TRANK1: variants seen among roughly 807,000 people sequenced by gnomAD.
TRANK1 encodes TPR and ankyrin repeat-containing protein 1.
In TRANK1, 198 loss-of-function variants were observed where a neutral mutation model predicts 266.0. The observed-to-expected ratio is 0.74, with a 90% confidence interval of 0.66 to 0.84. The LOEUF is 0.84. Among genes scored for constraint, TRANK1 ranks in the 40% least tolerant of loss-of-function variants. The pLI is 0.00. For synonymous variants in TRANK1, 1,396 were observed against 1,384.1 expected, an observed-to-expected ratio of 1.01 and a Z score of -0.19; for missense variants, 3,326 against 3,634.6, an observed-to-expected ratio of 0.92 and a Z score of 2.18.
intron 20 of TRANK1, among the ~76,000 whole-genome samples, chr3:36,835,244 G>A (rs1026963323): frequency 1.0e-3 from 150 of 144,504 alleles, no homozygotes; most frequent in African/African-American, 3.7e-3. Flanking sequence ...GCGTGAACCC[G>A]GGAGGCGGAG....
chr3:36,889,709 G>T, intron 8 of TRANK1, 120 bp downstream of exon 8: 1 of 1,341,358 alleles, frequency 7.5e-7, no homozygotes, highest in Non-Finnish European at 9.7e-7. Context: ...TCAAGGGGAA[G>T]TTTAGCCCTC....
intron 2 of TRANK1, among the ~76,000 whole-genome samples, chr3:36,907,835 C>T (rs1436902170): frequency 6.6e-6 from 1 of 152,100 alleles, no homozygotes; most frequent in East Asian, 1.9e-4. Flanking sequence ...TTGACAGCTA[C>T]AGCCTACATA....
At position 36,855,928 on chromosome 3, in the gene TRANK1, T is replaced by C. The variant is rs2079045859; in HGVS notation, c.3794A>G (p.Asn1265Ser). 2 of 1,613,480 alleles carry C rather than the reference T, an allele frequency of 1.2e-6. No individual in the cohort carries two copies. The highest frequency in any genetic ancestry group is 1.7e-5 in the Admixed American group (1 of 59,944). The change falls in exon 13 of 24, where the codon AAC (asparagine) becomes AGC (serine). Residue 1265 changes from asparagine (N) to serine (S), a missense_variant. Transcript: ENST00000645898. The part of the protein sequence containing the change: ...ASLPKPFFLR[N>S]EDGSLKRTII... ...GGTTCTTTTCAAGCTTCCATCTTCG[T>C]TTCTCAGAAAAAATGGTTTGGGCAG...
chr3:36,872,196 T>C (rs1417877566), intron 9 of TRANK1, among the ~76,000 whole-genome samples: 1 of 151,996 alleles, frequency 6.6e-6, no homozygotes, highest in Non-Finnish European at 1.5e-5. Context: ...AAGTCAGGAG[T>C]TCGAGATCAG....
At chr3:36,913,470 C>CCTCTCCTCTCCTCTCTTTCTTT (rs2080082435) in intron 1 of TRANK1, among the ~76,000 whole-genome samples, 1 of 151,462 alleles carries the variant, frequency 6.6e-6, no homozygotes, top group Non-Finnish European at 1.5e-5. Context: ...CCTCTCCTCT[C>CCTCTCCTCTCCTCTCTTTCTTT]CTCTCCTCTC....
chr3:36,935,722 C>T (rs1329363061), intron 1 of TRANK1, among the ~76,000 whole-genome samples: 1 of 152,162 alleles, frequency 6.6e-6, no homozygotes, highest in East Asian at 1.9e-4. Context: ...GCTGGGATTA[C>T]AGGCGTGAGT....
At position 36,831,206 on chromosome 3, in the gene TRANK1, C is replaced by T. The variant is rs774196815; in HGVS notation, c.8377G>A (p.Ala2793Thr). 16 of 1,613,930 alleles carry T rather than the reference C, an allele frequency of 9.9e-6. No individual in the cohort carries two copies. Among genetic ancestry groups the T allele is most frequent in the South Asian group, 2.2e-5 (2 of 91,072 alleles). The change falls in exon 22 of 24, where the codon GCA becomes ACA. Residue 2793 changes from alanine (A) to threonine (T), a missense_variant. Transcript: ENST00000645898. The surrounding 1 kb of genome is among the most constrained non-coding windows in gnomAD (Gnocchi z 5.0). ...YFSPSKAFEG[A>T]ASEVAVLSRA... is the part of the protein sequence containing the mutation. ...GAAAGGACTGCCACCTCGGAAGCTG[C>T]CCCCTCAAACGCTTTGCTGGGGCTG...
intron 8 of TRANK1, among the ~76,000 whole-genome samples, chr3:36,881,122 G>T (rs1157990981): frequency 6.6e-6 from 1 of 151,672 alleles, no homozygotes; most frequent in Non-Finnish European, 1.5e-5. Flanking sequence ...TTTCCATTGA[G>T]ATACAGCTCA....
chr3:36,838,360 T>C lies in TRANK1; in HGVS notation c.5517+12A>G. ...AGTTTTCCCTGGAGCAGCAGCGGAC[T>C]AGGAGCCATACCTTTCCCAGCCTCT... On this transcript the variant is annotated intron_variant, in intron 20 of 23. Coordinates refer to ENST00000645898, the MANE Select transcript of TRANK1 (RefSeq NM_001329998.2). The C allele has an allele frequency of 6.2e-7, 1 of 1,613,628 alleles. No homozygotes were observed. The highest frequency in any genetic ancestry group is 8.5e-7 in the Non-Finnish European group (1 of 1,179,724).
Position 36,858,732 on chromosome 3 carries a change from A to G in TRANK1, c.1658T>C (p.Phe553Ser). ...DTPLHAALHI[F>S]LEIKADIGFS... ...CAAGGGCTTACCTTTAATCTCTAGA[A>G]AGATGTGGAGTGCTGCATGCAAAGG... The change falls in exon 12 of 24, where the codon TTT (phenylalanine) becomes TCT (serine). Residue 553 changes from phenylalanine (F) to serine (S), a missense_variant. By Grantham distance (155) the Phe-to-Ser change is radical (BLOSUM62 -2). Coordinates refer to ENST00000645898, the MANE Select transcript of TRANK1 (RefSeq NM_001329998.2). The G allele has an allele frequency of 1.3e-6, 2 of 1,529,276 alleles. No individual in the cohort carries two copies. Among genetic ancestry groups the G allele is most frequent in the Non-Finnish European group, 1.7e-6 (2 of 1,143,030 alleles). The allele number at this position is 1,529,276 out of a possible 1,614,324, so 94.7% of individuals were successfully genotyped here.
intron 8 of TRANK1, among the ~76,000 whole-genome samples, chr3:36,876,199 T>C (rs1264888885): frequency 6.6e-6 from 1 of 152,218 alleles, no homozygotes; most frequent in Non-Finnish European, 1.5e-5. Context: ...CCTTACCAGA[T>C]TTGATGGTGT....
chr3:36,919,771 C>T (rs1303943937), intron 1 of TRANK1, among the ~76,000 whole-genome samples: 8 of 152,176 alleles, frequency 5.3e-5, no homozygotes, highest in East Asian at 1.9e-4. Flanking sequence ...GTCAATTCTG[C>T]GCACTATCAG....
intron 15 of TRANK1, among the ~76,000 whole-genome samples, chr3:36,849,349 G>T (rs1575198674): frequency 1.3e-5 from 2 of 152,290 alleles, no homozygotes; most frequent in East Asian, 3.9e-4. Flanking sequence ...CCCCCAAAAA[G>T]AAGGCAACAT....
At chr3:36,842,945 G>A (rs1405440340) in intron 17 of TRANK1, among the ~76,000 whole-genome samples, 1 of 152,152 alleles carries the variant, frequency 6.6e-6, no homozygotes, top group Non-Finnish European at 1.5e-5. Flanking sequence ...GGTGTCCTTA[G>A]AAGAAATTAG....
At chr3:36,922,960 AGTCT>A (rs1478439456) in intron 1 of TRANK1, among the ~76,000 whole-genome samples, 1 of 152,128 alleles carries the variant, frequency 6.6e-6, no homozygotes, top group African/African-American at 2.4e-5. Context: ...ATAAACTATA[AGTCT>A]GTCTTTCTTC....
At chr3:36,912,654 A>G (rs908223327) in intron 1 of TRANK1, among the ~76,000 whole-genome samples, 2 of 152,216 alleles carry the variant, frequency 1.3e-5, no homozygotes, top group African/African-American at 4.8e-5. Context: ...TGAAACAAGC[A>G]AGTCTGAAAC....
rs758637366 is a variant in TRANK1, at chr3:36,834,823, G to A, written c.5602C>T (p.Leu1868=). 21 of 1,613,712 alleles carry A rather than the reference G, an allele frequency of 1.3e-5. No homozygotes were observed. Among genetic ancestry groups the A allele is most frequent in the Non-Finnish European group, 1.7e-5 (20 of 1,179,812 alleles). ...TCTTGGCAGTACATTTTGAGTGCTA[G>A]ATCAAATTCCTGAATCTGCTCAAAG... ...RCFEQIQEFD[L]ALKMYCQEEL... Residue 1868 remains leucine, a synonymous_variant, in exon 21 of 24, where the codon CTA becomes TTA. Transcript: ENST00000645898.
chr3:36,833,197 A>G lies in TRANK1; in HGVS notation c.6386T>C (p.Ile2129Thr). 6.2e-7 allele frequency: 1 copy of G among 1,613,948 alleles called. No individual in the cohort carries two copies. The highest frequency in any genetic ancestry group is 8.5e-7 in the Non-Finnish European group (1 of 1,179,882). The change falls in exon 22 of 24, where the codon ATA becomes ACA. Residue 2129 changes from isoleucine (I) to threonine (T), a missense_variant. Transcript: ENST00000645898. ...TATGGGCCCAGGGTCATTCTGAGCT[A>G]TCTGGCAATACTTGGCATCCACCTG... ...ISQVDAKYCQ[I>T]AQNDPGPILR...
intron 1 of TRANK1, among the ~76,000 whole-genome samples, chr3:36,926,126 T>G (rs1022281684): frequency 6.6e-6 from 1 of 152,170 alleles, no homozygotes; most frequent in African/African-American, 2.4e-5. Context: ...CTGAGGTACT[T>G]TGCGTTTAAC....
Sources: gnomAD v4.1 joint callset for allele counts (sites outside exome capture counted in the v4.1 genomes callset) on GRCh38, gnomAD v4.1.1 for gene constraint, Gnocchi (gnomAD v3.1) non-coding constraint, MANE v1.5 for transcripts, NCBI Gene and HGNC (gene_info 2026-07-23, HGNC 2026-07-21) for gene names.